LRRK2: variants seen among roughly 807,000 people sequenced by gnomAD.
LRRK2 encodes the protein leucine rich repeat kinase 2, also known as leucine-rich repeat serine/threonine-protein kinase 2.
LRRK2 carries 203 observed loss-of-function variants against 302.6 expected under a neutral mutation model. The observed-to-expected ratio is 0.67, with a 90% CI of 0.60 to 0.75. The LOEUF is 0.75. Ranked by LOEUF, LRRK2 falls within the 30% of genes least tolerant of loss-of-function variation. The pLI, the probability that LRRK2 is intolerant of heterozygous loss-of-function variation, is 0.00. For missense variants in LRRK2, 2,830 were observed against 2,951.0 expected (o/e 0.96, Z 0.95); for synonymous variants, 1,066 against 1,031.9 (o/e 1.03, Z -0.63).
At chr12:40,261,623 G>A (rs1024008298) in intron 13 of LRRK2, among the ~76,000 whole-genome samples, 3 of 152,028 alleles carry the variant, frequency 2.0e-5, no homozygotes, top group East Asian at 1.9e-4. Context: ...GTACCATGCC[G>A]TGCAGTACCG....
At chr12:40,280,872 C>G (rs1461265411) in intron 18 of LRRK2, among the ~76,000 whole-genome samples, 2 of 151,562 alleles carry the variant, frequency 1.3e-5, no homozygotes, top group Non-Finnish European at 2.9e-5. Flanking sequence ...CGAGACCATC[C>G]TGGCTAACCC....
chr12:40,234,487 TC>T (rs1436011443), intron 3 of LRRK2, among the ~76,000 whole-genome samples: 1 of 145,688 alleles, frequency 6.9e-6, no homozygotes, highest in African/African-American at 2.5e-5. Context: ...CAAGTGATTC[TC>T]CTGCCTCAGC....
At chr12:40,259,196 C>T (rs1169596752) in intron 12 of LRRK2, among the ~76,000 whole-genome samples, 2 of 152,108 alleles carry the variant, frequency 1.3e-5, no homozygotes, top group African/African-American at 4.8e-5. Context: ...GATAATAACA[C>T]CTACCTGCTG....
chr12:40,341,661 A>C (rs1258934608), intron 41 of LRRK2, among the ~76,000 whole-genome samples: 1 of 152,196 alleles, frequency 6.6e-6, no homozygotes, highest in East Asian at 1.9e-4. Flanking sequence ...GTTAGCTATT[A>C]GTTTCTCATT....
At chr12:40,270,096 G>C (rs1466123231) in intron 14 of LRRK2, among the ~76,000 whole-genome samples, 24 of 152,214 alleles carry the variant, frequency 1.6e-4, no homozygotes, top group South Asian at 8.3e-4. Flanking sequence ...TATTTTATAA[G>C]ATAATTCATG....
intron 23 of LRRK2, among the ~76,000 whole-genome samples, chr12:40,296,374 A>G (rs893080170): frequency 7.2e-5 from 11 of 152,150 alleles, no homozygotes; most frequent in Admixed American, 2.6e-4. Context: ...ACTCATGCCT[A>G]TAATCCCAGC....
Position 40,351,639 on chromosome 12 carries a change from A to G in LRRK2, c.6482A>G (p.Asn2161Ser). ...GAATGCATGGTTGCTACACATCACAACAGCAGGAATGCAAGCATTTGGCTG... is the reference window on the plus strand; with the variant it reads ...GAATGCATGGTTGCTACACATCACAGCAGCAGGAATGCAAGCATTTGGCTG... ...IVECMVATHH[N>S]SRNASIWLGC... The change falls in exon 44 of 51, where the codon AAC becomes AGC. Residue 2161 changes from asparagine (N) to serine (S), a missense_variant. By Grantham distance (46) the Asn-to-Ser change is conservative. Transcript: ENST00000298910. 2 of 1,614,224 alleles carry G rather than the reference A, an allele frequency of 1.2e-6. No homozygotes were observed. Among genetic ancestry groups the G allele is most frequent in the East Asian group, 2.2e-5 (1 of 44,884 alleles).
chr12:40,228,414 T>C (rs1393342205), intron 2 of LRRK2, among the ~76,000 whole-genome samples: 2 of 151,002 alleles, frequency 1.3e-5, no homozygotes, highest in Non-Finnish European at 2.9e-5. Flanking sequence ...TTGGATCTTT[T>C]GTCCATTTAA....
chr12:40,265,575 CCT>C (rs1203786003), intron 14 of LRRK2, among the ~76,000 whole-genome samples: 1 of 152,078 alleles, frequency 6.6e-6, no homozygotes, highest in Non-Finnish European at 1.5e-5. Context: ...TCTAGGTTGT[CCT>C]CTGAGTGAAC....
intron 42 of LRRK2, among the ~76,000 whole-genome samples, chr12:40,348,138 A>C (rs985352712): frequency 6.6e-6 from 1 of 152,194 alleles, no homozygotes; most frequent in Non-Finnish European, 1.5e-5. Context: ...GTCTATTTGA[A>C]ATGCAGGTAC....
intron 47 of LRRK2, among the ~76,000 whole-genome samples, chr12:40,361,242 TTA>T: frequency 6.6e-6 from 1 of 151,576 alleles, no homozygotes; most frequent in South Asian, 2.1e-4. Flanking sequence ...ATTTCTGTCT[TTA>T]CATATTTATT....
chr12:40,351,260 T>TA (rs1946343897), intron 43 of LRRK2, among the ~76,000 whole-genome samples: 1 of 152,208 alleles, frequency 6.6e-6, no homozygotes, highest in Non-Finnish European at 1.5e-5. Context: ...CTGACTCCGC[T>TA]AAAATCCTGT....
chr12:40,307,155 C>T (rs1944853775), intron 28 of LRRK2, among the ~76,000 whole-genome samples: 1 of 151,802 alleles, frequency 6.6e-6, no homozygotes, highest in Non-Finnish European at 1.5e-5. Context: ...GCATCATTTG[C>T]TTTTTGAAGA....
At chr12:40,254,183 A>G (rs1432165396) in intron 11 of LRRK2, among the ~76,000 whole-genome samples, 1 of 152,148 alleles carries the variant, frequency 6.6e-6, no homozygotes, top group African/African-American at 2.4e-5. Context: ...TTTAGAGGGC[A>G]AAAAATAGAG....
chr12:40,312,282 A>T (rs1181973241), intron 31 of LRRK2, among the ~76,000 whole-genome samples: 1 of 152,138 alleles, frequency 6.6e-6, no homozygotes, highest in African/African-American at 2.4e-5. Context: ...GCTTTGAGAA[A>T]TACCAGTATT....
At chr12:40,256,666 G>T (rs1265500041) in intron 11 of LRRK2, among the ~76,000 whole-genome samples, 1 of 152,152 alleles carries the variant, frequency 6.6e-6, no homozygotes, top group Non-Finnish European at 1.5e-5. Flanking sequence ...TATAATGTTT[G>T]TAAAGTCCAC....
intron 38 of LRRK2, among the ~76,000 whole-genome samples, chr12:40,324,463 G>C (rs1396124002): frequency 6.6e-6 from 1 of 152,118 alleles, no homozygotes; most frequent in Non-Finnish European, 1.5e-5. Flanking sequence ...ATTCCTGAGA[G>C]TCATTGGGAC....
intron 41 of LRRK2, among the ~76,000 whole-genome samples, 190 bp from the exon 42 acceptor site, chr12:40,346,563 G>A (rs10784522): frequency 6.6e-6 from 1 of 151,824 alleles, no homozygotes; most frequent in African/African-American, 2.4e-5. Flanking sequence ...GTCAACCTTG[G>A]GGGGTGAGAT....
intron 14 of LRRK2, among the ~76,000 whole-genome samples, chr12:40,267,077 T>C (rs1485674018): frequency 6.6e-6 from 1 of 152,076 alleles, no homozygotes; most frequent in East Asian, 1.9e-4. Flanking sequence ...GGCACATGTA[T>C]ACATATGTAA....
Sources: gnomAD v4.1 joint callset for allele counts (sites outside exome capture counted in the v4.1 genomes callset) on GRCh38, gnomAD v4.1.1 for gene constraint, MANE v1.5 for transcripts, NCBI Gene and HGNC (gene_info 2026-07-23, HGNC 2026-07-21) for gene names.